SYT14: variants seen among roughly 807,000 people sequenced by gnomAD.
SYT14 encodes synaptotagmin-14.
Under a neutral mutation model 74.2 loss-of-function variants are expected in SYT14, and 32 were observed. That is an observed-to-expected ratio of 0.43 (90% CI 0.33 to 0.58). The LOEUF is 0.58. SYT14 is among the 20% of genes least tolerant of loss of function. SYT14 has a pLI of 0.05. For missense variants in SYT14, 791 were observed against 981.8 expected (o/e 0.81, Z 2.60); for synonymous variants, 298 against 337.7 (o/e 0.88, Z 1.29).
intron 5 of SYT14, among the ~76,000 whole-genome samples, chr1:210,058,502 G>C (rs2081141254): frequency 6.6e-6 from 1 of 152,164 alleles, no homozygotes. Context: ...AGCAAACCAG[G>C]GAATTTGTTA....
intron 7 of SYT14, 123 bp from the exon 7 acceptor site, chr1:210,155,598 T>C (rs775509193): frequency 9.9e-7 from 1 of 1,013,306 alleles, no homozygotes; most frequent in Non-Finnish European, 1.5e-6. Flanking sequence ...TAATCTGGTG[T>C]TTGGTTTGCA....
chr1:209,961,825 C>A (rs1300562891), intron 2 of SYT14, among the ~76,000 whole-genome samples: 2 of 151,876 alleles, frequency 1.3e-5, no homozygotes, highest in Non-Finnish European at 2.9e-5. Context: ...ATGTATGAGA[C>A]CTACCTACTG....
rs1048247322 is a variant in SYT14, at chr1:209,959,010, T to TA, written c.-486+6263dup. Among the ~76,000 whole-genome samples the TA allele has an allele frequency of 1.7e-4, 25 of 150,980 alleles. No individual in the cohort carries two copies. The South Asian group carries it at 3.6e-3, about 22-fold the overall frequency. ...CTTTAGAAAACAATTACAAAGTTCC[T>TA]AAAAAAAAATAGAGTTACCATATAA... On this transcript the variant is annotated intron_variant, in intron 2 of 9. Coordinates refer to ENST00000637265, the Ensembl canonical transcript of SYT14.
At chr1:209,957,529 G>T (rs6702257) in intron 2 of SYT14, among the ~76,000 whole-genome samples, 1 of 151,738 alleles carries the variant, frequency 6.6e-6, no homozygotes, top group Non-Finnish European at 1.5e-5. Flanking sequence ...TGGGTTCAGG[G>T]GATTCTCCTG....
At chr1:210,160,456 T>C (rs1413667889) in intron 9 of SYT14, among the ~76,000 whole-genome samples, 1 of 151,886 alleles carries the variant, frequency 6.6e-6, no homozygotes, top group Non-Finnish European at 1.5e-5. Flanking sequence ...GAAGGAAGGA[T>C]TATGAGGTAT....
intron 4 of SYT14, among the ~76,000 whole-genome samples, chr1:210,019,761 TAAAGAG>T (rs1423212782): frequency 6.6e-6 from 1 of 152,188 alleles, no homozygotes; most frequent in Non-Finnish European, 1.5e-5. Context: ...TAACTGACTA[TAAAGAG>T]AAAAATAACC....
rs200928231 is a variant in SYT14, at chr1:210,093,363, G to GA, written c.1313-950dup. Among the ~76,000 whole-genome samples the GA allele has an allele frequency of 2.3e-3, 345 of 150,010 alleles. 6 individuals are homozygous for GA. Among genetic ancestry groups the GA allele is most frequent in the South Asian group, 6.3e-4 (3 of 4,754 alleles). ...AAAAGAGATGCACAGTTCATTAAAAGAAAAAAAAAGATCAGTGTTTAAATT... is the reference window on the plus strand; with the variant it reads ...AAAAGAGATGCACAGTTCATTAAAAGAAAAAAAAAAGATCAGTGTTTAAATT... On this transcript the variant is annotated intron_variant, in intron 5 of 9. Coordinates refer to ENST00000637265, the Ensembl canonical transcript of SYT14.
intron 7 of SYT14, among the ~76,000 whole-genome samples, chr1:210,107,310 G>A (rs1216297266): frequency 6.6e-6 from 1 of 152,126 alleles, no homozygotes; most frequent in Non-Finnish European, 1.5e-5. Context: ...GATAGATAGG[G>A]AATTATCTAT....
chr1:210,093,950 G>C (rs546407906), intron 5 of SYT14, among the ~76,000 whole-genome samples: 1 of 152,228 alleles, frequency 6.6e-6, no homozygotes, highest in Admixed American at 6.5e-5. Context: ...TATTTGTATC[G>C]CTTTGACCCT....
chr1:210,021,472 A>G (rs2080301615), intron 5 of SYT14, among the ~76,000 whole-genome samples: 1 of 152,244 alleles, frequency 6.6e-6, no homozygotes, highest in Admixed American at 6.5e-5. Flanking sequence ...CAAATAATTT[A>G]CGTAATGTGT....
chr1:210,116,777 A>G (rs1181199394), intron 7 of SYT14, among the ~76,000 whole-genome samples: 2 of 152,116 alleles, frequency 1.3e-5, no homozygotes, highest in African/African-American at 4.8e-5. Flanking sequence ...TTTATTCATC[A>G]ACATATGGTA....
At chr1:210,069,513 C>A (rs1156809789) in intron 5 of SYT14, among the ~76,000 whole-genome samples, 1 of 151,946 alleles carries the variant, frequency 6.6e-6, no homozygotes, top group Non-Finnish European at 1.5e-5. Context: ...TCCCATATAT[C>A]ATTTTGTGGT....
Position 210,140,417 on chromosome 1 carries a change from TTATAAGATAAGTGATTTGA to T in SYT14, c.2035-15301_2035-15283del, listed in dbSNP as rs369353254. Among the ~76,000 whole-genome samples the T allele has an allele frequency of 9.9e-3, 1,501 of 152,276 alleles. 26 individuals carry two copies. The highest frequency in any genetic ancestry group is 0.034 in the African/African-American group (1,421 of 41,556). ...TTTACATATTCAGGAAATCGGTCCC[TTATAAGATAAGTGATTTGA>T]TAATATTTCCTCCTATTCTGCTTTT... On this transcript the variant is annotated intron_variant, in intron 7 of 9. Coordinates refer to ENST00000637265, the Ensembl canonical transcript of SYT14.
At chr1:210,088,530 G>A (rs2081789263) in intron 5 of SYT14, among the ~76,000 whole-genome samples, 1 of 152,010 alleles carries the variant, frequency 6.6e-6, no homozygotes, top group Non-Finnish European at 1.5e-5. Flanking sequence ...GAAGGCACAT[G>A]TACACGTATG....
chr1:210,006,708 CT>C lies in SYT14; in HGVS notation c.-485-6920del, dbSNP rs567546949. On this transcript the variant is annotated intron_variant, in intron 2 of 9. Transcript: ENST00000637265. ...AAAATAATTAGATAAAGCATAGGTA[CT>C]TTTTGTTTAATTTTGCATTTAAGAT... 1.8e-4 allele frequency among the ~76,000 whole-genome samples: 28 copies of C among 151,710 alleles called. No homozygotes were observed. In the East Asian group the frequency reaches 5.2e-3, roughly 28 times the overall value.
chr1:210,091,796 G>A (rs1336509405), intron 5 of SYT14, among the ~76,000 whole-genome samples: 3 of 152,090 alleles, frequency 2.0e-5, no homozygotes, highest in African/African-American at 4.8e-5. Context: ...AATTTTGATG[G>A]CTTCTGATTA....
At chr1:210,077,731 C>A (rs1487704620) in intron 5 of SYT14, among the ~76,000 whole-genome samples, 8 of 152,096 alleles carry the variant, frequency 5.3e-5, no homozygotes, top group Non-Finnish European at 1.2e-4. Context: ...CCTGTTTTTT[C>A]ATACCTACCG....
chr1:209,983,029 T>G (rs1164159394), intron 2 of SYT14, among the ~76,000 whole-genome samples: 1 of 152,176 alleles, frequency 6.6e-6, no homozygotes, highest in Non-Finnish European at 1.5e-5. Context: ...TTTGGCCCAT[T>G]TATTCATCAG....
intron 1 of SYT14, among the ~76,000 whole-genome samples, chr1:209,946,949 T>C (rs2102659652): frequency 6.6e-6 from 1 of 152,340 alleles, no homozygotes; most frequent in African/African-American, 2.4e-5. Flanking sequence ...GGATGCTAAA[T>C]GTGCTCTGTG....
Sources: gnomAD v4.1 joint callset for allele counts (sites outside exome capture counted in the v4.1 genomes callset) on GRCh38, gnomAD v4.1.1 for gene constraint, MANE v1.5 for transcripts, NCBI Gene and HGNC (gene_info 2026-07-23, HGNC 2026-07-21) for gene names.